The following CACHD1 variants were observed in gnomAD, a reference collection of about 807,000 sequenced individuals.
CACHD1 encodes the protein VWFA and cache domain-containing protein 1.
In CACHD1, 71 loss-of-function variants were observed where a neutral mutation model predicts 138.7. That is an observed-to-expected ratio of 0.51 (90% CI 0.42 to 0.62). The LOEUF (loss-of-function observed/expected upper bound fraction) is 0.62. Ranked by LOEUF, CACHD1 falls within the 20% of genes least tolerant of loss-of-function variation. The pLI, the probability that CACHD1 is intolerant of heterozygous loss-of-function variation, is 0.00. For synonymous variants in CACHD1, 578 were observed against 591.5 expected, an observed-to-expected ratio of 0.98 and a Z score of 0.33; for missense variants, 1,389 against 1,625.3, an observed-to-expected ratio of 0.85 and a Z score of 2.50.
intron 2 of CACHD1, among the ~76,000 whole-genome samples, chr1:64,561,200 C>A (rs1476558639): frequency 6.6e-6 from 1 of 150,846 alleles, no homozygotes; most frequent in African/African-American, 2.4e-5. Flanking sequence ...TCCTTCCCAA[C>A]CCACTTTTGA....
At chr1:64,549,846 T>G (rs1646746145) in intron 1 of CACHD1, among the ~76,000 whole-genome samples, 1 of 152,072 alleles carries the variant, frequency 6.6e-6, no homozygotes. Context: ...AGATTCTCAT[T>G]TTTTAGTTTG....
Position 64,627,821 on chromosome 1 carries a change from C to T in CACHD1, c.518-1534C>T, listed in dbSNP as rs570464035. Among the ~76,000 whole-genome samples the T allele has an allele frequency of 5.9e-5, 9 of 152,250 alleles. No homozygotes were observed. The South Asian group carries it at 1.9e-3, about 32-fold the overall frequency. ...TTCATTTGTGTAGGAACTATTTACA[C>T]TCACTGTGCATGCATTTTTCTAGGC... On this transcript the variant is annotated intron_variant, in intron 4 of 26. Transcript: ENST00000651257.
chr1:64,566,479 T>TCCCGCC (rs1553133820), intron 2 of CACHD1, among the ~76,000 whole-genome samples: 3 of 120,646 alleles, frequency 2.5e-5, no homozygotes, highest in African/African-American at 8.0e-5. Flanking sequence ...TGTTTTCAAT[T>TCCCGCC]CCCCCCCCCC....
intron 1 of CACHD1, 90 bp from the exon 2 acceptor site, chr1:64,550,504 C>A: frequency 1.1e-6 from 1 of 912,986 alleles, no homozygotes; most frequent in Non-Finnish European, 1.7e-6. Flanking sequence ...CTACTAGATT[C>A]TATTTGTTGT....
At chr1:64,499,537 C>G (rs1032891947) in intron 1 of CACHD1, among the ~76,000 whole-genome samples, 2 of 152,196 alleles carry the variant, frequency 1.3e-5, no homozygotes, top group African/African-American at 4.8e-5. Flanking sequence ...ATTCTGGGCT[C>G]CGCAGAATTC....
At chr1:64,683,252 T>C (rs1650249282) in intron 26 of CACHD1, among the ~76,000 whole-genome samples, 1 of 152,198 alleles carries the variant, frequency 6.6e-6, no homozygotes, top group Admixed American at 6.5e-5. Flanking sequence ...ACTTCAGGTT[T>C]CTATGGAGAA....
intron 3 of CACHD1, among the ~76,000 whole-genome samples, chr1:64,590,717 A>G (rs568176657): frequency 3.3e-5 from 5 of 152,308 alleles, no homozygotes; most frequent in African/African-American, 1.2e-4. Context: ...AACTGAACTC[A>G]AGCATGAGCT....
intron 1 of CACHD1, among the ~76,000 whole-genome samples, chr1:64,500,219 C>T (rs534547506): frequency 4.6e-5 from 7 of 152,318 alleles, no homozygotes; most frequent in Admixed American, 1.3e-4. Flanking sequence ...GGTCACATGA[C>T]TCCACCTACC....
At chr1:64,529,459 C>A (rs900951074) in intron 1 of CACHD1, among the ~76,000 whole-genome samples, 2 of 152,168 alleles carry the variant, frequency 1.3e-5, no homozygotes, top group African/African-American at 2.4e-5. Context: ...CTCAAAAATG[C>A]CCCTTGTATC....
At chr1:64,634,995 C>CAAAA (rs71056059) in intron 7 of CACHD1, among the ~76,000 whole-genome samples, 31 of 63,802 alleles carry the variant, frequency 4.9e-4, no homozygotes, top group African/African-American at 1.5e-3. Context: ...GACTCTGTCT[C>CAAAA]AAAAAAAAAA....
chr1:64,619,665 A>C (rs11208484), intron 4 of CACHD1, among the ~76,000 whole-genome samples: 20,775 of 152,118 alleles, frequency 0.14, 1,526 homozygotes, highest in Admixed American at 0.18. Context: ...TCTGTATTCT[A>C]ACTGCTGCAT....
intron 1 of CACHD1, among the ~76,000 whole-genome samples, chr1:64,532,079 A>G (rs1175932166): frequency 2.0e-5 from 3 of 152,212 alleles, no homozygotes; most frequent in Non-Finnish European, 2.9e-5. Flanking sequence ...GAGGCCCCCA[A>G]TGCATAAAGA....
At chr1:64,618,622 A>G (rs555673482) in intron 4 of CACHD1, among the ~76,000 whole-genome samples, 4 of 152,204 alleles carry the variant, frequency 2.6e-5, no homozygotes, top group Non-Finnish European at 5.9e-5. Context: ...ACAATACTCA[A>G]GATGTAAGTG....
At chr1:64,664,317 T>C in intron 14 of CACHD1, 181 bp from the exon 15 acceptor site, 1 of 611,038 alleles carries the variant, frequency 1.6e-6, no homozygotes, top group South Asian at 2.1e-5. Context: ...ATCTGCTGAC[T>C]GTATTTCTGC....
chr1:64,473,717 A>G (rs953816298), intron 1 of CACHD1, among the ~76,000 whole-genome samples: 3 of 152,224 alleles, frequency 2.0e-5, no homozygotes, highest in South Asian at 4.1e-4. Flanking sequence ...GAAACATTCT[A>G]TAGGCCTCTT....
At chr1:64,630,925 A>G (rs778330926) in intron 5 of CACHD1, among the ~76,000 whole-genome samples, 4 of 152,240 alleles carry the variant, frequency 2.6e-5, no homozygotes, top group Non-Finnish European at 4.4e-5. Flanking sequence ...CCTTGGCTAA[A>G]TGATCCACAT....
intron 8 of CACHD1, among the ~76,000 whole-genome samples, chr1:64,647,278 TG>T (rs1215667520): frequency 6.6e-6 from 1 of 152,204 alleles, no homozygotes; most frequent in Non-Finnish European, 1.5e-5. Flanking sequence ...AAACAGGGTT[TG>T]GAGGCATCAG....
intron 22 of CACHD1, among the ~76,000 whole-genome samples, chr1:64,677,651 C>G (rs1344593859): frequency 6.6e-6 from 1 of 152,164 alleles, no homozygotes. Flanking sequence ...AGCCCCAAGT[C>G]AATTAAGTTT....
At chr1:64,672,525 ATGT>A (rs1163643460) in intron 17 of CACHD1, among the ~76,000 whole-genome samples, 3 of 151,722 alleles carry the variant, frequency 2.0e-5, no homozygotes, top group Non-Finnish European at 4.4e-5. Flanking sequence ...TTATTAGTTA[ATGT>A]TGTTAATCTC....
Sources: gnomAD v4.1 joint callset for allele counts (sites outside exome capture counted in the v4.1 genomes callset) on GRCh38, gnomAD v4.1.1 for gene constraint, MANE v1.5 for transcripts, NCBI Gene and HGNC (gene_info 2026-07-23, HGNC 2026-07-21) for gene names.